The following SWT1 variants were observed in gnomAD, a reference collection of about 807,000 sequenced individuals.
The protein encoded by SWT1 is SWT1 RNA endoribonuclease homolog.
In SWT1, 33 loss-of-function variants were observed where a neutral mutation model predicts 107.3. The ratio of observed to expected loss-of-function variants is 0.31; its 90% CI spans 0.23 to 0.41. SWT1 has a LOEUF of 0.41. Among genes scored for constraint, SWT1 ranks in the 10% least tolerant of loss-of-function variants. SWT1 has a pLI of 1.00. For synonymous variants in SWT1, 345 were observed against 348.3 expected, an observed-to-expected ratio of 0.99 and a Z score of 0.11; for missense variants, 898 against 1,028.9, an observed-to-expected ratio of 0.87 and a Z score of 1.74.
chr1:185,188,561 A>G (rs1476838313), intron 9 of SWT1, among the ~76,000 whole-genome samples: 7 of 152,300 alleles, frequency 4.6e-5, no homozygotes, highest in African/African-American at 1.7e-4. Context: ...CTCTGTCTAG[A>G]TTTCACTAAT....
chr1:185,266,591 C>T (rs1663411618), intron 16 of SWT1: 1 of 150,778 alleles, frequency 6.6e-6, no homozygotes, highest in Non-Finnish European at 1.5e-5. Flanking sequence ...TTCTTTGTTC[C>T]TTCTCCACTC....
At chr1:185,172,203 A>G (rs1287314932) in intron 4 of SWT1, among the ~76,000 whole-genome samples, 1 of 152,230 alleles carries the variant, frequency 6.6e-6, no homozygotes, top group Non-Finnish European at 1.5e-5. Flanking sequence ...TTCTCACTAC[A>G]AAGTAATATC....
chr1:185,168,020 T>G (rs1245338978), intron 3 of SWT1, among the ~76,000 whole-genome samples: 1 of 152,200 alleles, frequency 6.6e-6, no homozygotes, highest in African/African-American at 2.4e-5. Flanking sequence ...GGATTATATT[T>G]TATGTCTCTC....
At chr1:185,205,666 G>A (rs1658276080) in intron 12 of SWT1, among the ~76,000 whole-genome samples, 1 of 152,176 alleles carries the variant, frequency 6.6e-6, no homozygotes. Context: ...TTTATAGCTA[G>A]GAGAAACATG....
At position 185,184,854 on chromosome 1, in the gene SWT1, A is replaced by G; in HGVS notation, c.1352A>G (p.His451Arg). ...RAQHKAIPAV[H>R]FINDSLKNQD... ...CAGCACAAAGCTATACCTGCAGTTC[A>G]TTTCATCAACGACAGTCTCAAAAAT... Residue 451 changes from histidine to arginine, a missense_variant, in exon 9 of 19, where the codon CAT (histidine) becomes CGT (arginine). Around this residue, in one of 6 missense-constraint regions of SWT1, gnomAD observed 34 missense variants for 50.2 expected, o/e 0.68. Transcript: ENST00000367500. 6.4e-7 allele frequency: 1 copy of G among 1,560,810 alleles called. No homozygotes were observed. The highest frequency in any genetic ancestry group is 8.6e-7 in the Non-Finnish European group (1 of 1,158,968).
chr1:185,253,100 C>A lies in SWT1; in HGVS notation c.2442-18223C>A, dbSNP rs1379329486. On this transcript the variant is annotated intron_variant, in intron 16 of 18. Coordinates refer to ENST00000367500, the MANE Select transcript of SWT1 (RefSeq NM_017673.7). ...CAAAGATCAGATAGTTGTAGATATG[C>A]GGCGTTATTTCTGAGGGCTCTGTTC... 5.1e-4 allele frequency among the ~76,000 whole-genome samples: 65 copies of A among 126,984 alleles called. 1 individual carries two copies. The South Asian group carries it at 9.0e-3, about 18-fold the overall frequency. 83.3% of individuals were successfully genotyped at this position (126,984 alleles called of 152,430 possible). A position where few individuals can be genotyped will look rare whatever the true frequency, so the allele number is the denominator to read the frequency against.
intron 2 of SWT1, among the ~76,000 whole-genome samples, chr1:185,166,331 G>T (rs1002917258): frequency 1.5e-4 from 23 of 152,178 alleles, no homozygotes; most frequent in African/African-American, 5.3e-4. Flanking sequence ...CTGTCAGCTG[G>T]CTTCCTGCTC....
chr1:185,158,186 G>T (rs1301344544), intron 1 of SWT1, among the ~76,000 whole-genome samples: 1 of 152,144 alleles, frequency 6.6e-6, no homozygotes, highest in Non-Finnish European at 1.5e-5. Context: ...CCGGGGAAGA[G>T]ATAGCATGAT....
In SWT1 at chr1:185,241,251, C is replaced by G. The variant is rs77517183; in HGVS notation, c.2441+9543C>G. Among the ~76,000 whole-genome samples, 851 of 152,258 alleles carry G rather than the reference C, an allele frequency of 5.6e-3. 35 individuals carry two copies. In the East Asian group the frequency reaches 0.094, roughly 17 times the overall value. ...GAAGTGACTTTTTAGACTCTGAACT[C>G]ATTGCAGTGTGCAAAATATTCAGCC... On this transcript the variant is annotated intron_variant, in intron 16 of 18. Transcript: ENST00000367500.
At chr1:185,281,446 T>A in intron 18 of SWT1, 1 of 196,492 alleles carries the variant, frequency 5.1e-6, no homozygotes, top group Non-Finnish European at 1.1e-5. Flanking sequence ...GTGGGTACTC[T>A]TTCCTAGCAG....
chr1:185,285,424 G>A (rs1007548671), intron 18 of SWT1, among the ~76,000 whole-genome samples: 6 of 152,098 alleles, frequency 3.9e-5, no homozygotes, highest in Non-Finnish European at 5.9e-5. Context: ...GGTTCAACAT[G>A]TTATATATTC....
intron 16 of SWT1, among the ~76,000 whole-genome samples, chr1:185,232,448 G>A (rs895119077): frequency 1.4e-4 from 22 of 152,136 alleles, no homozygotes; most frequent in East Asian, 9.6e-4. Flanking sequence ...ACTTGGTATC[G>A]TACTAGGCAC....
At chr1:185,250,397 C>T (rs1265075299) in intron 16 of SWT1, among the ~76,000 whole-genome samples, 1 of 152,196 alleles carries the variant, frequency 6.6e-6, no homozygotes, top group Non-Finnish European at 1.5e-5. Flanking sequence ...TTGTCTTCAT[C>T]TTTAGACCAT....
intron 7 of SWT1, 111 bp from the exon 8 acceptor site, chr1:185,184,130 CAA>C (rs1165385638): frequency 8.5e-6 from 5 of 585,588 alleles, no homozygotes; most frequent in South Asian, 4.6e-5. Flanking sequence ...GTTAACAAGA[CAA>C]AGAGGCGTTT....
intron 13 of SWT1, among the ~76,000 whole-genome samples, chr1:185,207,789 T>C (rs1041738084): frequency 6.6e-6 from 1 of 152,006 alleles, no homozygotes; most frequent in Non-Finnish European, 1.5e-5. Flanking sequence ...TAGACCCAGC[T>C]ACTTGGGAGG....
rs762824720 is a variant in SWT1, at chr1:185,214,490, T to G, written c.1973-17T>G. On this transcript the variant is annotated splice_polypyrimidine_tract_variant and intron_variant, in intron 13 of 18. Transcript: ENST00000367500. Reference sequence around the variant, plus strand: ...CTCATTCTTCCATATTTTTCTGTCTTAATTTTCTGTTACCAGCTAATAAGG... The same window carrying G: ...CTCATTCTTCCATATTTTTCTGTCTGAATTTTCTGTTACCAGCTAATAAGG... 6.3e-7 allele frequency: 1 copy of G among 1,589,116 alleles called. No homozygotes were observed. The highest frequency in any genetic ancestry group is 8.6e-7 in the Non-Finnish European group (1 of 1,168,252).
intron 17 of SWT1, among the ~76,000 whole-genome samples, chr1:185,273,353 C>T (rs752801522): frequency 4.0e-5 from 6 of 151,704 alleles, no homozygotes; most frequent in African/African-American, 1.5e-4. Context: ...TGCAGTGAGC[C>T]GAGATTGCAC....
At chr1:185,181,863 A>G (rs1656044039) in intron 6 of SWT1, 83 bp from the exon 7 acceptor site, 5 of 1,468,198 alleles carry the variant, frequency 3.4e-6, no homozygotes, top group Non-Finnish European at 4.7e-6. Context: ...TCTCAAGTGA[A>G]TTAATTAAGA....
At chr1:185,161,790 G>T (rs751273030) in intron 2 of SWT1, among the ~76,000 whole-genome samples, 1 of 152,078 alleles carries the variant, frequency 6.6e-6, no homozygotes, top group Non-Finnish European at 1.5e-5. Flanking sequence ...AAGCAAAACT[G>T]CAAAACAAAC....
Sources: allele counts gnomAD v4.1 joint callset (sites outside exome capture counted in the v4.1 genomes callset), GRCh38; gene constraint gnomAD v4.1.1; regional missense constraint gnomAD v4.1.1; transcripts MANE v1.5; gene names NCBI Gene and HGNC (gene_info 2026-07-23, HGNC 2026-07-21).